The following BOP1 variants were observed in gnomAD, a reference collection of about 807,000 sequenced individuals.
BOP1 encodes the protein ribosome biogenesis protein BOP1.
BOP1 carries 54 observed loss-of-function variants against 82.9 expected under a neutral mutation model. The observed-to-expected ratio is 0.65, with a 90% CI of 0.52 to 0.82. The LOEUF (loss-of-function observed/expected upper bound fraction) is 0.82. BOP1 is among the 40% of genes least tolerant of loss of function. The pLI is 0.00. For missense variants in BOP1, 1,170 were observed against 1,072.0 expected (o/e 1.09, Z -1.28); for synonymous variants, 566 against 451.1 (o/e 1.25, Z -3.23).
Position 144,291,371 on chromosome 8 carries a change from G to A in BOP1, c.-1C>T. The A allele has an allele frequency of 8.2e-7, 1 of 1,213,352 alleles. No homozygotes were observed. The highest frequency in any genetic ancestry group is 1.0e-6 in the Non-Finnish European group (1 of 979,808). The allele number at this position is 1,213,352 out of a possible 1,614,324, so 75.2% of individuals were successfully genotyped here. On this transcript the variant is annotated 5_prime_UTR_variant, in exon 1 of 16. Transcript: ENST00000569669. This position sits in a 1 kb window ranked among gnomAD's most constrained non-coding sequence, Gnocchi z 4.1. ...GCCCCGCACCCCGCGAACCCGCCATGCCCCACCGCGCGCCGGCCGCCACCC... is the reference window on the plus strand; with the variant it reads ...GCCCCGCACCCCGCGAACCCGCCATACCCCACCGCGCGCCGGCCGCCACCC...
chr8:144,275,021 C>T (rs1201897790), intron 3 of BOP1, among the ~76,000 whole-genome samples: 1 of 152,050 alleles, frequency 6.6e-6, no homozygotes, highest in African/African-American at 2.4e-5. Flanking sequence ...TCTCTGTTCT[C>T]TGAACGCGCA....
chr8:144,289,045 G>C lies in BOP1; in HGVS notation c.309+50C>G, dbSNP rs782316173. 6.9e-6 allele frequency: 11 copies of C among 1,596,182 alleles called. No homozygotes were observed. The Admixed American group carries it at 1.8e-4, about 27-fold the overall frequency. ...CAGTGGCAGTCTCAGAAAGCCCAAG[G>C]CCACCTGCACATGGGGGACAGCCCT... On this transcript the variant is annotated intron_variant, in intron 2 of 15. Transcript: ENST00000569669.
At chr8:144,277,829 C>CGGTGCAGGCAGG (rs1845594173) in intron 2 of BOP1, among the ~76,000 whole-genome samples, 2 of 152,172 alleles carry the variant, frequency 1.3e-5, no homozygotes, top group Admixed American at 6.5e-5. Context: ...CGGGCAGGGG[C>CGGTGCAGGCAGG]GGCCACTGCT....
intron 3 of BOP1, among the ~76,000 whole-genome samples, chr8:144,275,500 C>T (rs924069111): frequency 6.6e-6 from 1 of 151,600 alleles, no homozygotes; most frequent in Non-Finnish European, 1.5e-5. Context: ...AGCCTCTCCA[C>T]GCTGGCGGAG....
At chr8:144,266,880 C>T in intron 3 of BOP1, 2 of 1,501,772 alleles carry the variant, frequency 1.3e-6, no homozygotes, top group Non-Finnish European at 1.8e-6. Flanking sequence ...ACCGCACCAA[C>T]AGCGTGAACA....
At chr8:144,287,344 T>C (rs2130268935) in intron 2 of BOP1, among the ~76,000 whole-genome samples, 1 of 152,228 alleles carries the variant, frequency 6.6e-6, no homozygotes, top group African/African-American at 2.4e-5. Flanking sequence ...AACATGTAAA[T>C]GTGTAAATCC....
chr8:144,282,149 G>C (rs1335987430), intron 2 of BOP1, among the ~76,000 whole-genome samples: 1 of 152,272 alleles, frequency 6.6e-6, no homozygotes, highest in Non-Finnish European at 1.5e-5. Context: ...TGCTGCTGGA[G>C]AGGGGACAGG....
intron 3 of BOP1, 176 bp from the exon 4 acceptor site, chr8:144,265,247 T>C (rs1845333361): frequency 2.7e-6 from 2 of 738,762 alleles, no homozygotes; most frequent in East Asian, 2.7e-5. Context: ...TGACGTGGCA[T>C]GGCGGCCACG....
chr8:144,279,333 C>A (rs1845632684), intron 2 of BOP1, among the ~76,000 whole-genome samples: 1 of 151,278 alleles, frequency 6.6e-6, no homozygotes, highest in Non-Finnish European at 1.5e-5. Context: ...CAGGCCACAA[C>A]CACCATGGGC....
Position 144,262,114 on chromosome 8 carries a change from G to C in BOP1, c.*50C>G, listed in dbSNP as rs1183714256. 3.1e-6 allele frequency: 5 copies of C among 1,609,800 alleles called. No individual in the cohort carries two copies. The highest frequency in any genetic ancestry group is 4.2e-6 in the Non-Finnish European group (5 of 1,179,504). ...GGAGCACCAGGCAGCACAGGGTAAA[G>C]GCTCTGTTGACTTCAGCACGACCAC... On this transcript the variant is annotated 3_prime_UTR_variant, in exon 16 of 16. Transcript: ENST00000569669.
At chr8:144,268,426 G>C (rs986856520) in intron 3 of BOP1, 1 of 568,362 alleles carries the variant, frequency 1.8e-6, no homozygotes, top group Non-Finnish European at 3.1e-6. Context: ...TTTTTGATAT[G>C]ATAATATAAA....
Position 144,263,634 on chromosome 8 carries a change from C to T in BOP1, c.1292-24G>A. On this transcript the variant is annotated intron_variant, in intron 10 of 15. Transcript: ENST00000569669. ...GCCTGGATGCGGCAGAGACAGCTCT[C>T]AACACCTGGCCATCCCACCTGCCCC... 5.6e-6 allele frequency: 9 copies of T among 1,607,856 alleles called. 1 individual carries two copies. The South Asian group carries it at 9.9e-5, about 18-fold the overall frequency.
At chr8:144,269,979 G>T (rs1163170486) in intron 3 of BOP1, among the ~76,000 whole-genome samples, 1 of 152,140 alleles carries the variant, frequency 6.6e-6, no homozygotes, top group South Asian at 2.1e-4. Context: ...CTGTAGGGAG[G>T]GTCCATAGCC....
chr8:144,285,806 C>G (rs1554839401), intron 2 of BOP1, among the ~76,000 whole-genome samples: 1 of 152,272 alleles, frequency 6.6e-6, no homozygotes, highest in Non-Finnish European at 1.5e-5. Context: ...GGCAGAGCCC[C>G]TGGTGGCCCG....
chr8:144,286,381 G>A (rs1203360181), intron 2 of BOP1, among the ~76,000 whole-genome samples: 1 of 149,534 alleles, frequency 6.7e-6, no homozygotes, highest in African/African-American at 2.5e-5. Flanking sequence ...CACAGGACAC[G>A]CGGGCAGGTG....
chr8:144,269,950 C>G (rs925120260), intron 3 of BOP1, among the ~76,000 whole-genome samples: 1 of 152,204 alleles, frequency 6.6e-6, no homozygotes, highest in Non-Finnish European at 1.5e-5. Flanking sequence ...CCTCCCTCCA[C>G]TGGGCACTGG....
chr8:144,275,654 G>C (rs2130238167), intron 3 of BOP1, among the ~76,000 whole-genome samples: 1 of 152,302 alleles, frequency 6.6e-6, no homozygotes, highest in East Asian at 1.9e-4. Flanking sequence ...GAGGTCCAGA[G>C]GCAACGGCCC....
rs1845320984 is a variant in BOP1 at position 144,264,932 on chromosome 8, T to C, written c.530A>G (p.Asp177Gly). 2 of 1,610,712 alleles carry C rather than the reference T, an allele frequency of 1.2e-6. No homozygotes were observed. Among genetic ancestry groups the C allele is most frequent in the African/African-American group, 1.3e-5 (1 of 74,552 alleles). Residue 177 changes from aspartate to glycine, a missense_variant, in exon 4 of 16, where the codon GAC becomes GGC. Asp to Gly is a moderately conservative substitution (Grantham distance 94). Coordinates refer to ENST00000569669, the MANE Select transcript of BOP1 (RefSeq NM_015201.5). ...DELDQFLDKM[D>G]DPDYWRTVQD... ...CAGCCCTCACCAGTAGTCAGGATCG[T>C]CCATCTTGTCCAGGAACTGGTCCAG...
intron 3 of BOP1, among the ~76,000 whole-genome samples, chr8:144,268,900 T>G (rs1845442825): frequency 1.3e-5 from 2 of 152,104 alleles, no homozygotes; most frequent in South Asian, 4.1e-4. Context: ...AGGAGGGCGC[T>G]GCAGGTGGCC....
Sources: allele counts gnomAD v4.1 joint callset (sites outside exome capture counted in the v4.1 genomes callset), GRCh38; gene constraint gnomAD v4.1.1; non-coding constraint Gnocchi (gnomAD v3.1); transcripts MANE v1.5; gene names NCBI Gene and HGNC (gene_info 2026-07-23, HGNC 2026-07-21).